ITGA8: variants seen among roughly 807,000 people sequenced by gnomAD.
ITGA8 encodes integrin subunit alpha 8.
A neutral mutation model predicts 142.3 loss-of-function variants in ITGA8; 91 were observed. The ratio of observed to expected loss-of-function variants is 0.64; its 90% CI spans 0.54 to 0.76. The LOEUF (loss-of-function observed/expected upper bound fraction) is 0.76, where lower values mean the gene tolerates loss of function less well. Ranked by LOEUF, ITGA8 falls within the 30% of genes least tolerant of loss-of-function variation. The pLI is 0.00. For synonymous variants in ITGA8, 505 were observed against 485.2 expected (o/e 1.04, Z -0.54); for missense variants, 1,406 against 1,327.7 (o/e 1.06, Z -0.92).
At position 15,517,043 on chromosome 10, in the gene ITGA8, C is replaced by CACA; in HGVS notation, c.*114_*115insTGT. ...GAGGTGATGTTTCCAGGGTCCCCTCCATTTCCTGGGTCACTGTCAGGTATC... is the reference window on the plus strand; with the variant it reads ...GAGGTGATGTTTCCAGGGTCCCCTCCACAATTTCCTGGGTCACTGTCAGGTATC... On this transcript the variant is annotated 3_prime_UTR_variant, in exon 30 of 30. Transcript: ENST00000378076. 1.8e-6 allele frequency: 1 copy of CACA among 551,556 alleles called. No individual in the cohort carries two copies. Among genetic ancestry groups the CACA allele is most frequent in the Non-Finnish European group, 2.9e-6 (1 of 348,094 alleles). The allele number at this position is 551,556 out of a possible 1,614,324, so 34.2% of individuals were successfully genotyped here.
intron 11 of ITGA8, among the ~76,000 whole-genome samples, chr10:15,653,898 A>G (rs776942819): frequency 2.6e-5 from 4 of 151,586 alleles, no homozygotes; most frequent in Non-Finnish European, 4.4e-5. Flanking sequence ...GCAGTGGTGC[A>G]ATCACGGCTC....
chr10:15,536,834 C>T (rs1336496126), intron 27 of ITGA8, among the ~76,000 whole-genome samples: 2 of 152,172 alleles, frequency 1.3e-5, no homozygotes, highest in African/African-American at 2.4e-5. Flanking sequence ...GAGTTGGTAA[C>T]AAACGGAGGA....
intron 2 of ITGA8, among the ~76,000 whole-genome samples, chr10:15,692,209 A>G (rs897320996): frequency 1.5e-4 from 23 of 152,088 alleles, no homozygotes; most frequent in Non-Finnish European, 4.4e-5. Context: ...CTGGGATTAC[A>G]GGTATGAGCC....
rs193294851 is a variant in ITGA8 at position 15,719,483 on chromosome 10, G to T, written c.209+80C>A. 1.2e-3 allele frequency: 1,620 copies of T among 1,311,594 alleles called. 19 individuals carry two copies. In the East Asian group the frequency reaches 0.026, roughly 21 times the overall value. 81.2% of individuals were successfully genotyped at this position (1,311,594 alleles called of 1,614,324 possible). On this transcript the variant is annotated intron_variant, in intron 1 of 29. Coordinates refer to ENST00000378076, the MANE Select transcript of ITGA8 (RefSeq NM_003638.3). Reference sequence around the variant, plus strand: ...GGACGGGGATCCCAGGCTGCGGGGGGACTCCGCGGCAGAGCCGCTGGGACC... The same window carrying T: ...GGACGGGGATCCCAGGCTGCGGGGGTACTCCGCGGCAGAGCCGCTGGGACC...
chr10:15,686,118 C>T (rs1834829363), intron 3 of ITGA8, among the ~76,000 whole-genome samples: 1 of 152,194 alleles, frequency 6.6e-6, no homozygotes, highest in Non-Finnish European at 1.5e-5. Flanking sequence ...CACTTAATTC[C>T]AGAGAAGTGA....
chr10:15,694,371 C>CACATATCAGATA (rs1835003800), intron 2 of ITGA8, among the ~76,000 whole-genome samples: 1 of 127,098 alleles, frequency 7.9e-6, no homozygotes, highest in African/African-American at 3.1e-5. Flanking sequence ...GATAATATAT[C>CACATATCAGATA]ATATATGATA....
chr10:15,524,039 C>T (rs140139544), intron 28 of ITGA8, among the ~76,000 whole-genome samples: 2,216 of 152,258 alleles, frequency 0.015, 18 homozygotes, highest in Middle Eastern at 0.031. Flanking sequence ...AATTCATTAG[C>T]GGGAAAGAAT....
rs758695357 is a variant in ITGA8 at position 15,613,693 on chromosome 10, C to A, written c.1520G>T (p.Cys507Phe). 6.2e-7 allele frequency: 1 copy of A among 1,614,026 alleles called. No homozygotes were observed. The highest frequency in any genetic ancestry group is 8.5e-7 in the Non-Finnish European group (1 of 1,179,874). The change falls in exon 15 of 30, where the codon TGC becomes TTC. Residue 507 changes from cysteine (C) to phenylalanine (F), a missense_variant. Physicochemically the swap from Cys to Phe is radical, Grantham distance 205 (BLOSUM62 -2). Transcript: ENST00000378076. ...AGATGTCATAGAGTCTGGAACCTGG[C>A]AAGTTTTATTTTCAAGATTGATAAT... The part of the protein sequence containing the change: ...PMIINLENKT[C>F]QVPDSMTSAA...
At chr10:15,714,743 G>T (rs1835420515) in intron 2 of ITGA8, among the ~76,000 whole-genome samples, 1 of 152,072 alleles carries the variant, frequency 6.6e-6, no homozygotes, top group African/African-American at 2.4e-5. Flanking sequence ...AATGGCAATT[G>T]ACCTTAAATA....
At chr10:15,615,625 T>C (rs1214496497) in intron 14 of ITGA8, among the ~76,000 whole-genome samples, 2 of 152,208 alleles carry the variant, frequency 1.3e-5, no homozygotes, top group Admixed American at 6.5e-5. Context: ...GTGATTCTCA[T>C]GCCTCAGCCT....
chr10:15,645,994 A>G (rs1833975186), intron 12 of ITGA8, among the ~76,000 whole-genome samples: 1 of 152,168 alleles, frequency 6.6e-6, no homozygotes, highest in Non-Finnish European at 1.5e-5. Flanking sequence ...TACATAACCC[A>G]TGTAGGCTGA....
intron 11 of ITGA8, among the ~76,000 whole-genome samples, chr10:15,654,167 T>C (rs1342464735): frequency 1.3e-5 from 2 of 152,196 alleles, no homozygotes; most frequent in Non-Finnish European, 2.9e-5. Flanking sequence ...TGATAGCTCA[T>C]TTCTTTTTTA....
chr10:15,689,480 C>A (rs954950097), intron 2 of ITGA8, among the ~76,000 whole-genome samples: 4 of 152,146 alleles, frequency 2.6e-5, no homozygotes, highest in African/African-American at 9.7e-5. Flanking sequence ...GCCTCCTGAG[C>A]CCCATCACTG....
intron 15 of ITGA8, among the ~76,000 whole-genome samples, chr10:15,612,159 A>G (rs1833309442): frequency 6.6e-6 from 1 of 151,756 alleles, no homozygotes; most frequent in Admixed American, 6.6e-5. Flanking sequence ...GCATTTTCCA[A>G]CTCTTTTCAA....
chr10:15,591,082 T>C lies in ITGA8; in HGVS notation c.2291+1143A>G, dbSNP rs560083395. Among the ~76,000 whole-genome samples the C allele has an allele frequency of 3.9e-5, 6 of 152,292 alleles. No homozygotes were observed. In the East Asian group the frequency reaches 1.2e-3, roughly 29 times the overall value. On this transcript the variant is annotated intron_variant, in intron 22 of 29. Transcript: ENST00000378076. ...GCTATTTAAAAATTAATCCATTGCATGGAGTCATTATTCTAAAAGTTATCA... is the reference window on the plus strand; with the variant it reads ...GCTATTTAAAAATTAATCCATTGCACGGAGTCATTATTCTAAAAGTTATCA...
intron 2 of ITGA8, among the ~76,000 whole-genome samples, chr10:15,714,971 GGAAA>G (rs1304179523): frequency 6.6e-6 from 1 of 152,150 alleles, no homozygotes; most frequent in Non-Finnish European, 1.5e-5. Flanking sequence ...TAAAAGACCA[GGAAA>G]GTCACTGATG....
intron 26 of ITGA8, among the ~76,000 whole-genome samples, chr10:15,551,449 T>A (rs1250067974): frequency 6.6e-6 from 1 of 152,042 alleles, no homozygotes; most frequent in East Asian, 1.9e-4. Flanking sequence ...TAGTATCAAA[T>A]GCTGGAGAGG....
intron 20 of ITGA8, among the ~76,000 whole-genome samples, chr10:15,598,023 C>T (rs951887626): frequency 1.1e-4 from 16 of 152,100 alleles, no homozygotes; most frequent in African/African-American, 3.1e-4. Context: ...TCTTCATGTC[C>T]GCATGCTTTT....
Position 15,623,760 on chromosome 10 carries a change from C to T in ITGA8, c.1400-7201G>A, listed in dbSNP as rs182882663. ...GATAAATTTCATCCTTTTTAGTAAG[C>T]AGAGCTAAGAGCTTTGATAAATGCA... On this transcript the variant is annotated intron_variant, in intron 13 of 29. Coordinates refer to ENST00000378076, the MANE Select transcript of ITGA8 (RefSeq NM_003638.3). 2.0e-3 allele frequency among the ~76,000 whole-genome samples: 303 copies of T among 152,142 alleles called. 1 individual carries two copies. Among genetic ancestry groups the T allele is most frequent in the African/African-American group, 6.9e-3 (288 of 41,514 alleles).
Sources: gnomAD v4.1 joint callset for allele counts (sites outside exome capture counted in the v4.1 genomes callset) on GRCh38, gnomAD v4.1.1 for gene constraint, MANE v1.5 for transcripts, NCBI Gene and HGNC (gene_info 2026-07-23, HGNC 2026-07-21) for gene names.